Variants in CFAP43 observed in about 807,000 individuals in gnomAD.
The protein encoded by CFAP43 is cilia- and flagella-associated protein 43.
A neutral mutation model predicts 218.9 loss-of-function variants in CFAP43; 155 were observed. The ratio of observed to expected loss-of-function variants is 0.71; its 90% CI spans 0.62 to 0.81. The LOEUF (loss-of-function observed/expected upper bound fraction) is 0.81. CFAP43 is among the 30% of genes least tolerant of loss of function. The probability of loss-of-function intolerance (pLI) is 0.00; values close to 1 mark genes in which losing one functional copy is unlikely to be tolerated. For missense variants in CFAP43, 1,778 were observed against 1,954.3 expected (o/e 0.91, Z 1.70); for synonymous variants, 645 against 681.3 (o/e 0.95, Z 0.83).
intron 2 of CFAP43, among the ~76,000 whole-genome samples, chr10:104,225,899 T>G (rs1368560206): frequency 2.0e-5 from 3 of 152,252 alleles, no homozygotes; most frequent in African/African-American, 7.2e-5. Flanking sequence ...GTAATTAGAA[T>G]AGTTATTCAG....
At position 104,147,975 on chromosome 10, in the gene CFAP43, A is replaced by G; in HGVS notation, c.3684T>C (p.Leu1228=). Residue 1228 remains leucine (L), a synonymous_variant, in exon 29 of 38, where the codon CTT becomes CTC. Coordinates refer to ENST00000357060, the MANE Select transcript of CFAP43 (RefSeq NM_025145.7). ...TNQEELKISN[L]AFSLLLDEEL... ...CTTCATCCAACAATAAAGAAAATGC[A>G]AGGTTACTTATTTTCAGTTCCTCCT... 1 of 1,590,976 alleles carries G rather than the reference A, an allele frequency of 6.3e-7. No homozygotes were observed. Among genetic ancestry groups the G allele is most frequent in the Non-Finnish European group, 8.6e-7 (1 of 1,167,694 alleles).
chr10:104,197,682 T>C (rs1589758440), intron 9 of CFAP43, among the ~76,000 whole-genome samples: 1 of 152,232 alleles, frequency 6.6e-6, no homozygotes. Context: ...GTGTTGGCTG[T>C]TTTCAGAAGA....
chr10:104,140,172 T>G (rs537857586), intron 34 of CFAP43, among the ~76,000 whole-genome samples: 5 of 152,184 alleles, frequency 3.3e-5, no homozygotes, highest in African/African-American at 9.7e-5. Context: ...AGAAATAACA[T>G]TAAATGTTCA....
Position 104,207,770 on chromosome 10 carries a change from T to C in CFAP43, c.790A>G (p.Thr264Ala), listed in dbSNP as rs779000774. 1.6e-5 allele frequency: 26 copies of C among 1,614,068 alleles called. No homozygotes were observed. The highest frequency in any genetic ancestry group is 2.1e-5 in the Non-Finnish European group (25 of 1,180,030). ...LHPTMHCWTP[T>A]SDLYIGCEEG... The stretch of plus-strand genomic sequence containing the variant: ...TCACAGCCAATGTACAAGTCACTTG[T>C]TGGAGTCCAGCAATGCATAGTCGGG... The change falls in exon 6 of 38, where the codon ACA (threonine) becomes GCA (alanine). Residue 264 changes from threonine (T) to alanine (A), a missense_variant. Around this residue, in one of 3 missense-constraint regions of CFAP43, gnomAD observed 1,553 missense variants for 1,685.2 expected, o/e 0.92. Coordinates refer to ENST00000357060, the MANE Select transcript of CFAP43 (RefSeq NM_025145.7).
intron 20 of CFAP43, 30 bp downstream of exon 20, chr10:104,172,380 T>A: frequency 1.3e-6 from 2 of 1,597,940 alleles, no homozygotes; most frequent in Non-Finnish European, 1.7e-6. Flanking sequence ...CATCATAACT[T>A]TATGGTGCTT....
At chr10:104,199,725 A>T (rs1264962621) in intron 8 of CFAP43, among the ~76,000 whole-genome samples, 1 of 152,264 alleles carries the variant, frequency 6.6e-6, no homozygotes, top group South Asian at 2.1e-4. Context: ...GCCAGGTCTC[A>T]CTAACAGCTG....
chr10:104,138,640 A>C (rs1432113458), intron 34 of CFAP43, among the ~76,000 whole-genome samples: 1 of 152,016 alleles, frequency 6.6e-6, no homozygotes, highest in Non-Finnish European at 1.5e-5. Flanking sequence ...GTGCCATTGC[A>C]CACCAGCCTG....
intron 7 of CFAP43, 45 bp from the exon 8 acceptor site, chr10:104,203,848 G>A: frequency 6.5e-7 from 1 of 1,532,630 alleles, no homozygotes; most frequent in Admixed American, 2.0e-5. Flanking sequence ...CTTAGTCAAT[G>A]CATAGTATAC....
intron 2 of CFAP43, 44 bp from the exon 3 acceptor site, chr10:104,225,601 C>T: frequency 6.7e-7 from 1 of 1,498,812 alleles, no homozygotes; most frequent in South Asian, 1.2e-5. Flanking sequence ...ATGTTAAGAC[C>T]ATGTTCAGTT....
intron 14 of CFAP43, 72 bp downstream of exon 14, chr10:104,187,248 C>A (rs575154397): frequency 2.4e-6 from 3 of 1,262,918 alleles, no homozygotes; most frequent in South Asian, 2.5e-5. Context: ...TCAAGAGGAT[C>A]ACATCTAATC....
intron 36 of CFAP43, 31 bp from the exon 37 acceptor site, chr10:104,131,515 A>T: frequency 6.3e-7 from 1 of 1,581,722 alleles, no homozygotes; most frequent in East Asian, 2.2e-5. Flanking sequence ...ACACCCCACA[A>T]AATTAATTTT....
At chr10:104,151,958 T>C (rs1360097404) in intron 28 of CFAP43, among the ~76,000 whole-genome samples, 1 of 152,208 alleles carries the variant, frequency 6.6e-6, no homozygotes, top group Non-Finnish European at 1.5e-5. Flanking sequence ...TAGAAATAAT[T>C]TTTTCCTCAG....
intron 28 of CFAP43, among the ~76,000 whole-genome samples, chr10:104,149,310 C>T (rs140824022): frequency 2.6e-5 from 4 of 152,130 alleles, no homozygotes; most frequent in African/African-American, 4.8e-5. Flanking sequence ...ATACTCAACG[C>T]CCGGGTCCAT....
intron 17 of CFAP43, among the ~76,000 whole-genome samples, chr10:104,181,152 C>A (rs1323552127): frequency 6.6e-6 from 1 of 152,118 alleles, no homozygotes; most frequent in Non-Finnish European, 1.5e-5. Context: ...TTCATAGCTG[C>A]CCCCTTCCCC....
At chr10:104,182,261 G>C (rs1323071107) in intron 17 of CFAP43, 105 bp downstream of exon 17, 1 of 1,259,086 alleles carries the variant, frequency 7.9e-7, no homozygotes, top group Non-Finnish European at 1.1e-6. Flanking sequence ...CCTGGATAAA[G>C]AGAAATATTA....
At chr10:104,196,133 G>A (rs564706678) in intron 10 of CFAP43, among the ~76,000 whole-genome samples, 17 of 152,172 alleles carry the variant, frequency 1.1e-4, no homozygotes, top group African/African-American at 3.9e-4. Context: ...GTGGTATCTG[G>A]GTGTACCTCA....
In CFAP43 at chr10:104,179,057, T is replaced by C; in HGVS notation, c.2432A>G (p.Lys811Arg). The C allele has an allele frequency of 6.2e-7, 1 of 1,613,432 alleles. No individual in the cohort carries two copies. The highest frequency in any genetic ancestry group is 1.1e-5 in the South Asian group (1 of 91,018). Residue 811 changes from lysine to arginine, a missense_variant, in exon 19 of 38, where the codon AAA becomes AGA. By Grantham distance (26) the Lys-to-Arg change is conservative. Transcript: ENST00000357060. ...TTTGGAAAGTGATTTGATTCCTTGT[T>C]TTATCTCTTTCCTTTTCTTGGAAAA... ...NLFSKKRKEI[K>R]QGIKSLSKTI...
intron 5 of CFAP43, among the ~76,000 whole-genome samples, chr10:104,210,532 A>G (rs2090824108): frequency 6.6e-6 from 1 of 152,086 alleles, no homozygotes; most frequent in East Asian, 1.9e-4. Flanking sequence ...ATGCCCAGCT[A>G]ATTTTTAACA....
intron 2 of CFAP43, among the ~76,000 whole-genome samples, chr10:104,228,150 C>G (rs1407913267): frequency 2.0e-5 from 3 of 151,974 alleles, no homozygotes; most frequent in African/African-American, 7.3e-5. Context: ...CCCATATTTT[C>G]TACTATTTTC....
Sources: gnomAD v4.1 joint callset for allele counts (sites outside exome capture counted in the v4.1 genomes callset) on GRCh38, gnomAD v4.1.1 for gene constraint, gnomAD v4.1.1 regional missense constraint, MANE v1.5 for transcripts, NCBI Gene and HGNC (gene_info 2026-07-23, HGNC 2026-07-21) for gene names.